MYO10: variants seen among roughly 807,000 people sequenced by gnomAD.
MYO10 encodes the protein myosin X.
In MYO10, 133 loss-of-function variants were observed where a neutral mutation model predicts 257.3. That is an observed-to-expected ratio of 0.52 (90% CI 0.45 to 0.60). MYO10 has a LOEUF of 0.60. Ranked by LOEUF, MYO10 falls within the 20% of genes least tolerant of loss-of-function variation. The pLI is 0.00. For missense variants in MYO10, 2,399 were observed against 2,635.7 expected (o/e 0.91, Z 1.97); for synonymous variants, 1,104 against 1,028.6 (o/e 1.07, Z -1.40).
At position 16,717,570 on chromosome 5, in the gene MYO10, A is replaced by G. The variant is rs148129877; in HGVS notation, c.1930-6325T>C. Among the ~76,000 whole-genome samples the G allele has an allele frequency of 1.4e-4, 22 of 152,384 alleles. No individual in the cohort carries two copies. In the East Asian group the frequency reaches 4.2e-3, roughly 29 times the overall value. On this transcript the variant is annotated intron_variant, in intron 19 of 40. Transcript: ENST00000513610. ...TGTGAGTTCAGCCAAACATCTGCATATGGAAGCAACTAGAGAATAAAGAAG... is the reference window on the plus strand; with the variant it reads ...TGTGAGTTCAGCCAAACATCTGCATGTGGAAGCAACTAGAGAATAAAGAAG...
chr5:16,740,507 A>C (rs1016391737), intron 19 of MYO10, among the ~76,000 whole-genome samples: 15 of 152,074 alleles, frequency 9.9e-5, no homozygotes, highest in Non-Finnish European at 1.6e-4. Flanking sequence ...CCAAAGTAAA[A>C]ATGCAGTGGT....
At chr5:16,872,855 T>C (rs973725566) in intron 2 of MYO10, among the ~76,000 whole-genome samples, 2 of 152,160 alleles carry the variant, frequency 1.3e-5, no homozygotes, top group Non-Finnish European at 2.9e-5. Context: ...CAGGAAAGAC[T>C]GGCCCCCATG....
chr5:16,701,857 G>A lies in MYO10; in HGVS notation c.2557-19C>T. The A allele has an allele frequency of 1.3e-6, 2 of 1,567,422 alleles. No individual in the cohort carries two copies. The highest frequency in any genetic ancestry group is 1.7e-6 in the Non-Finnish European group (2 of 1,162,722). Reference sequence around the variant, plus strand: ...CTTCTTCCTGGACAGAAGCAGAAGGGAGATTTCAGAAGGCTTCAGTACAAA... The same window carrying A: ...CTTCTTCCTGGACAGAAGCAGAAGGAAGATTTCAGAAGGCTTCAGTACAAA... On this transcript the variant is annotated intron_variant, in intron 24 of 40. Coordinates refer to ENST00000513610, the MANE Select transcript of MYO10 (RefSeq NM_012334.3). The surrounding 1 kb of genome is among the most constrained non-coding windows in gnomAD (Gnocchi z 8.1).
At chr5:16,887,788 G>C (rs1744935046) in intron 1 of MYO10, among the ~76,000 whole-genome samples, 1 of 152,114 alleles carries the variant, frequency 6.6e-6, no homozygotes, top group African/African-American at 2.4e-5. Flanking sequence ...ACCATGTCTG[G>C]CCTCAGTCCT....
rs1742676076 is a variant in MYO10 at position 16,818,038 on chromosome 5, A to C, written c.250T>G (p.Phe84Val). 1 of 1,597,764 alleles carries C rather than the reference A, an allele frequency of 6.3e-7. No homozygotes were observed. Among genetic ancestry groups the C allele is most frequent in the Non-Finnish European group, 8.5e-7 (1 of 1,170,048 alleles). Residue 84 changes from phenylalanine to valine, a missense_variant, in exon 3 of 41, where the codon TTC becomes GTC. By Grantham distance (50) the Phe-to-Val change is conservative. Transcript: ENST00000513610. ...LHGGSIMYNL[F>V]QRYKRNQIYT... ...ATTTGATTTCTCTTATACCGCTGGA[A>C]TAAGTTATACATGATGGAGCCGCCA... is the stretch of plus-strand genomic sequence containing the variant.
At chr5:16,882,458 T>G (rs1262493395) in intron 1 of MYO10, among the ~76,000 whole-genome samples, 1 of 148,142 alleles carries the variant, frequency 6.8e-6, no homozygotes, top group African/African-American at 2.5e-5. Context: ...GTGCAAATAT[T>G]CATAGCAGCA....
Position 16,890,380 on chromosome 5 carries a change from T to C in MYO10, c.22-12673A>G, listed in dbSNP as rs543695523. On this transcript the variant is annotated intron_variant, in intron 1 of 40. Coordinates refer to ENST00000513610, the MANE Select transcript of MYO10 (RefSeq NM_012334.3). ...CCATATGACCCAGAAATTCCACTGC[T>C]AGGTAAATACCCCAGAGACGTGAAA... Among the ~76,000 whole-genome samples, 4 of 151,984 alleles carry C rather than the reference T, an allele frequency of 2.6e-5. 1 individual carries two copies. Among genetic ancestry groups the C allele is most frequent in the African/African-American group, 9.7e-5 (4 of 41,236 alleles).
At chr5:16,935,723 G>C (rs1746422627) in intron 1 of MYO10, 65 bp downstream of exon 1, 1 of 1,598,806 alleles carries the variant, frequency 6.3e-7, no homozygotes, top group Non-Finnish European at 8.6e-7. Flanking sequence ...AGGGCGCGCG[G>C]CGTGGTGGGC....
rs1737125050 is a variant in MYO10 at position 16,683,948 on chromosome 5, A to G, written c.3991-13T>C. ...CATCCAAGGTGCCCTGGAAAAGAACAAAAAGTAAACAGAATGAGAGAAGCA... is the reference window on the plus strand; with the variant it reads ...CATCCAAGGTGCCCTGGAAAAGAACGAAAAGTAAACAGAATGAGAGAAGCA... On this transcript the variant is annotated splice_polypyrimidine_tract_variant and intron_variant, in intron 29 of 40. Coordinates refer to ENST00000513610, the MANE Select transcript of MYO10 (RefSeq NM_012334.3). The G allele has an allele frequency of 6.2e-7, 1 of 1,612,442 alleles. No individual in the cohort carries two copies. Among genetic ancestry groups the G allele is most frequent in the Non-Finnish European group, 8.5e-7 (1 of 1,179,196 alleles).
At chr5:16,679,452 A>G (rs1020200650) in intron 33 of MYO10, among the ~76,000 whole-genome samples, 1 of 152,142 alleles carries the variant, frequency 6.6e-6, no homozygotes, top group African/African-American at 2.4e-5. Flanking sequence ...TTTTTGGTCT[A>G]AAGTTTCTCA....
intron 2 of MYO10, among the ~76,000 whole-genome samples, chr5:16,837,176 G>A (rs1301733547): frequency 6.6e-6 from 1 of 152,112 alleles, no homozygotes; most frequent in African/African-American, 2.4e-5. Flanking sequence ...AGGGCGTGGT[G>A]GCAGAGGCCT....
chr5:16,724,439 A>G (rs1739274141), intron 19 of MYO10, among the ~76,000 whole-genome samples: 1 of 152,234 alleles, frequency 6.6e-6, no homozygotes, highest in South Asian at 2.1e-4. Context: ...TCATGAAAAC[A>G]GCACAGAAAA....
chr5:16,794,073 T>TA (rs369473089), intron 4 of MYO10, among the ~76,000 whole-genome samples: 1,772 of 150,616 alleles, frequency 0.012, 33 homozygotes, highest in African/African-American at 0.04. Flanking sequence ...TCTCACCCAC[T>TA]AAAAAAAAAT....
intron 19 of MYO10, among the ~76,000 whole-genome samples, chr5:16,740,214 T>C (rs1482135124): frequency 1.3e-5 from 2 of 151,996 alleles, no homozygotes; most frequent in Admixed American, 1.3e-4. Flanking sequence ...GGAGGGAGGC[T>C]GATGGGGATT....
At chr5:16,865,802 C>T (rs112106487) in intron 2 of MYO10, among the ~76,000 whole-genome samples, 18 of 106,476 alleles carry the variant, frequency 1.7e-4, no homozygotes, top group African/African-American at 6.8e-4. Context: ...CAGAGTTAGA[C>T]TCCGTCTCGA....
At chr5:16,797,638 A>G (rs1482404689) in intron 3 of MYO10, among the ~76,000 whole-genome samples, 2 of 152,226 alleles carry the variant, frequency 1.3e-5, no homozygotes, top group African/African-American at 4.8e-5. Flanking sequence ...TTAGCCACAA[A>G]AAGGAATAAA....
At chr5:16,686,702 T>C (rs1737270540) in intron 28 of MYO10, among the ~76,000 whole-genome samples, 2 of 147,252 alleles carry the variant, frequency 1.4e-5, no homozygotes, top group South Asian at 4.3e-4. Context: ...ATTTTTGGTA[T>C]TTTCAGTAGA....
At position 16,718,257 on chromosome 5, in the gene MYO10, G is replaced by A. The variant is rs537460246; in HGVS notation, c.1930-7012C>T. Among the ~76,000 whole-genome samples, 11 of 152,288 alleles carry A rather than the reference G, an allele frequency of 7.2e-5. No homozygotes were observed. In the South Asian group the frequency reaches 1.9e-3, roughly 26 times the overall value. ...CCACCCACTCCATGGGCTCCTGTGC[G>A]GCCGGAGCCTCCCTGACGAGCACCG... On this transcript the variant is annotated intron_variant, in intron 19 of 40. Coordinates refer to ENST00000513610, the MANE Select transcript of MYO10 (RefSeq NM_012334.3).
chr5:16,760,949 G>C (rs1740691900), intron 17 of MYO10, among the ~76,000 whole-genome samples: 1 of 150,262 alleles, frequency 6.7e-6, no homozygotes, highest in Non-Finnish European at 1.5e-5. Flanking sequence ...TCACTAAATG[G>C]CAGTCATTGC....
Sources: allele counts gnomAD v4.1 joint callset (sites outside exome capture counted in the v4.1 genomes callset), GRCh38; gene constraint gnomAD v4.1.1; non-coding constraint Gnocchi (gnomAD v3.1); transcripts MANE v1.5; gene names NCBI Gene and HGNC (gene_info 2026-07-23, HGNC 2026-07-21).